The following RBFOX1 variants were observed in gnomAD, a reference collection of about 807,000 sequenced individuals.
RBFOX1 encodes the protein RNA binding protein fox-1 homolog 1.
A neutral mutation model predicts 57.7 loss-of-function variants in RBFOX1; 8 were observed. That is an observed-to-expected ratio of 0.14 (90% CI 0.08 to 0.25). RBFOX1 has a LOEUF of 0.25. Among genes scored for constraint, RBFOX1 ranks in the 10% least tolerant of loss-of-function variants. The probability of loss-of-function intolerance (pLI) is 1.00; values close to 1 mark genes in which losing one functional copy is unlikely to be tolerated. For missense variants in RBFOX1, 611 were observed against 548.5 expected (o/e 1.11, Z -1.14); for synonymous variants, 326 against 222.4 (o/e 1.47, Z -4.15).
chr16:6,657,649 A>G (rs900193304), intron 3 of RBFOX1, among the ~76,000 whole-genome samples: 4 of 152,108 alleles, frequency 2.6e-5, no homozygotes, highest in African/African-American at 9.7e-5. Flanking sequence ...ATTTAACCCA[A>G]ATGCTTCTGG....
At chr16:6,517,592 C>T (rs2096405897) in intron 2 of RBFOX1, among the ~76,000 whole-genome samples, 1 of 152,142 alleles carries the variant, frequency 6.6e-6, no homozygotes, top group Non-Finnish European at 1.5e-5. Flanking sequence ...CTTTGTGTTT[C>T]AGAGAGTGCT....
intron 4 of RBFOX1, among the ~76,000 whole-genome samples, chr16:7,116,384 C>T (rs1209002791): frequency 1.3e-5 from 2 of 152,122 alleles, no homozygotes; most frequent in Non-Finnish European, 2.9e-5. Context: ...TTATGTTTCA[C>T]AGCCATGGTT....
At chr16:7,384,871 A>G (rs1175970822) in intron 4 of RBFOX1, among the ~76,000 whole-genome samples, 5 of 152,226 alleles carry the variant, frequency 3.3e-5, no homozygotes, top group African/African-American at 1.2e-4. Context: ...ACAATAAATA[A>G]CTGTGTAAAT....
intron 2 of RBFOX1, chr16:6,483,341 C>A (rs1316096490): frequency 2.7e-6 from 4 of 1,476,418 alleles, no homozygotes; most frequent in Non-Finnish European, 3.6e-6. Context: ...TGCTGGCGGT[C>A]GTGCCAGGCA....
chr16:6,118,779 C>T (rs1219733471), intron 1 of RBFOX1, among the ~76,000 whole-genome samples: 2 of 148,084 alleles, frequency 1.4e-5, no homozygotes, highest in Middle Eastern at 3.2e-3. Context: ...CTCTCTTTCT[C>T]CCTCTCTTTC....
At chr16:5,389,306 C>G (rs2066340185) in intron 1 of RBFOX1, among the ~76,000 whole-genome samples, 1 of 152,210 alleles carries the variant, frequency 6.6e-6, no homozygotes, top group Non-Finnish European at 1.5e-5. Flanking sequence ...TTCCTCCAAT[C>G]TTACCTGCAT....
intron 3 of RBFOX1, among the ~76,000 whole-genome samples, chr16:6,796,332 C>G (rs1331662242): frequency 2.6e-5 from 4 of 152,128 alleles, no homozygotes; most frequent in Non-Finnish European, 5.9e-5. Context: ...TTCAAGACGA[C>G]ATGTGAGTGG....
chr16:7,670,815 C>T (rs763869627), intron 13 of RBFOX1, among the ~76,000 whole-genome samples: 1 of 152,150 alleles, frequency 6.6e-6, no homozygotes, highest in Non-Finnish European at 1.5e-5. Context: ...AAACTGTGAC[C>T]ACTCACATGG....
intron 2 of RBFOX1, among the ~76,000 whole-genome samples, chr16:6,461,463 C>T (rs1474328015): frequency 6.6e-6 from 1 of 152,168 alleles, no homozygotes; most frequent in East Asian, 1.9e-4. Flanking sequence ...ATTTATTTAA[C>T]TATATTCCCA....
intron 4 of RBFOX1, among the ~76,000 whole-genome samples, chr16:7,196,267 G>A (rs1050403009): frequency 6.6e-6 from 1 of 152,154 alleles, no homozygotes; most frequent in Non-Finnish European, 1.5e-5. Context: ...TGAATGTAAT[G>A]TTCTTGTTAT....
At chr16:6,056,613 G>C (rs1416337810) in intron 1 of RBFOX1, among the ~76,000 whole-genome samples, 2 of 152,148 alleles carry the variant, frequency 1.3e-5, no homozygotes, top group Admixed American at 1.3e-4. Flanking sequence ...TGGGTCTATA[G>C]CTGTTACCAG....
intron 2 of RBFOX1, among the ~76,000 whole-genome samples, chr16:6,599,133 C>T (rs538667260): frequency 6.6e-5 from 10 of 152,236 alleles, no homozygotes; most frequent in African/African-American, 1.7e-4. Flanking sequence ...GGTCATTTGG[C>T]GTTATCCATG....
intron 4 of RBFOX1, among the ~76,000 whole-genome samples, chr16:5,979,881 GT>G (rs1231406157): frequency 6.6e-6 from 1 of 152,118 alleles, no homozygotes; most frequent in Non-Finnish European, 1.5e-5. Context: ...AGAAATTAAA[GT>G]GTATTTAAGG....
chr16:6,986,246 G>A (rs570719053), intron 3 of RBFOX1, among the ~76,000 whole-genome samples: 1 of 149,748 alleles, frequency 6.7e-6, no homozygotes, highest in Non-Finnish European at 1.5e-5. Context: ...TGTCACCCAG[G>A]CTGGAGTGCA....
At chr16:6,524,122 C>T (rs1056852251) in intron 2 of RBFOX1, among the ~76,000 whole-genome samples, 2 of 152,116 alleles carry the variant, frequency 1.3e-5, no homozygotes, top group African/African-American at 4.8e-5. Flanking sequence ...ACCCATTAAC[C>T]ACCCTTATTT....
At chr16:6,397,097 A>G (rs1459040910) in intron 2 of RBFOX1, among the ~76,000 whole-genome samples, 1 of 152,184 alleles carries the variant, frequency 6.6e-6, no homozygotes, top group Non-Finnish European at 1.5e-5. Context: ...AGGTACTTGG[A>G]GTCCCAGAAA....
chr16:6,907,568 A>G (rs951651642), intron 3 of RBFOX1, among the ~76,000 whole-genome samples: 3 of 151,612 alleles, frequency 2.0e-5, no homozygotes, highest in Non-Finnish European at 2.9e-5. Flanking sequence ...TTTTGTTTGT[A>G]TGTTTGTTTG....
chr16:7,370,536 T>C (rs958675170), intron 4 of RBFOX1, among the ~76,000 whole-genome samples: 1 of 152,162 alleles, frequency 6.6e-6, no homozygotes, highest in African/African-American at 2.4e-5. Context: ...CCCTCCCCAC[T>C]CTTTTTAACT....
chr16:6,326,578 C>T (rs562985504), intron 2 of RBFOX1, among the ~76,000 whole-genome samples: 19 of 152,230 alleles, frequency 1.2e-4, no homozygotes, highest in South Asian at 4.1e-4. Flanking sequence ...AGGGTTGTTT[C>T]GTCTCCCAGC....
Sources: gnomAD v4.1 joint callset for allele counts (sites outside exome capture counted in the v4.1 genomes callset) on GRCh38, gnomAD v4.1.1 for gene constraint, MANE v1.5 for transcripts, NCBI Gene and HGNC (gene_info 2026-07-23, HGNC 2026-07-21) for gene names.